The following LIMCH1 variants were observed in gnomAD, a reference collection of about 807,000 sequenced individuals.
The protein encoded by LIMCH1 is LIM and calponin homology domains 1, also known as LIM and calponin homology domains-containing protein 1.
LIMCH1 carries 113 observed loss-of-function variants against 176.5 expected under a neutral mutation model. The ratio of observed to expected loss-of-function variants is 0.64; its 90% CI spans 0.55 to 0.75. LIMCH1 has a LOEUF of 0.75. Among genes scored for constraint, LIMCH1 ranks in the 30% least tolerant of loss-of-function variants. The pLI, the probability that LIMCH1 is intolerant of heterozygous loss-of-function variation, is 0.00. For synonymous variants in LIMCH1, 619 were observed against 645.9 expected, an observed-to-expected ratio of 0.96 and a Z score of 0.63; for missense variants, 1,674 against 1,814.9, an observed-to-expected ratio of 0.92 and a Z score of 1.41.
chr4:41,577,935 T>A (rs1035432888), intron 1 of LIMCH1, among the ~76,000 whole-genome samples: 1 of 152,210 alleles, frequency 6.6e-6, no homozygotes, highest in Non-Finnish European at 1.5e-5. Flanking sequence ...GTTTTTCATT[T>A]TAAACAATGT....
chr4:41,586,005 T>TTTCTCTTCTC (rs71198670), intron 1 of LIMCH1, among the ~76,000 whole-genome samples: 62 of 148,226 alleles, frequency 4.2e-4, no homozygotes, highest in Admixed American at 1.7e-3. Flanking sequence ...TCTGTCTTCT[T>TTTCTCTTCTC]TTCTCTTCTC....
At chr4:41,685,910 T>C in intron 28 of LIMCH1, 80 bp downstream of exon 28, 2 of 1,468,190 alleles carry the variant, frequency 1.4e-6, no homozygotes, top group Non-Finnish European at 1.9e-6. Flanking sequence ...ATGAAAAATG[T>C]GAGATGGCAA....
intron 1 of LIMCH1, among the ~76,000 whole-genome samples, chr4:41,409,750 A>G (rs754428388): frequency 2.6e-5 from 4 of 152,154 alleles, no homozygotes; most frequent in Middle Eastern, 3.2e-3. Flanking sequence ...GTTTAATAAT[A>G]TTGCCAGACT....
At chr4:41,539,858 A>G (rs1028535781) in intron 1 of LIMCH1, among the ~76,000 whole-genome samples, 1 of 152,240 alleles carries the variant, frequency 6.6e-6, no homozygotes, top group Non-Finnish European at 1.5e-5. Context: ...TAGGAAAGCA[A>G]CAGGAATGTT....
intron 1 of LIMCH1, among the ~76,000 whole-genome samples, chr4:41,589,533 G>T (rs2087108119): frequency 6.6e-6 from 1 of 152,200 alleles, no homozygotes. Flanking sequence ...GATCCTCAGT[G>T]TGGTGGTGTG....
At chr4:41,537,756 T>G (rs913275375), upstream of LIMCH1, among the ~76,000 whole-genome samples, 10 of 152,186 alleles carry the variant, frequency 6.6e-5, no homozygotes, top group Middle Eastern at 3.2e-3. Context: ...AGTTTACTTT[T>G]TATTATGCTC....
intron 1 of LIMCH1, among the ~76,000 whole-genome samples, chr4:41,452,073 A>T (rs2063954670): frequency 6.6e-6 from 1 of 152,184 alleles, no homozygotes. Context: ...CCTAGGCTCC[A>T]GCTCTAGTCT....
chr4:41,657,092 G>A (rs951961112), intron 18 of LIMCH1, among the ~76,000 whole-genome samples: 7 of 152,186 alleles, frequency 4.6e-5, no homozygotes, highest in African/African-American at 1.4e-4. Flanking sequence ...TCTGGCACCC[G>A]GGCAGTTTGG....
chr4:41,460,311 C>T (rs566389716), intron 1 of LIMCH1, among the ~76,000 whole-genome samples: 7 of 151,700 alleles, frequency 4.6e-5, no homozygotes, highest in East Asian at 3.9e-4. Flanking sequence ...TATTGCATAG[C>T]GCAGATGTAG....
chr4:41,652,718 T>C (rs2094344363), intron 18 of LIMCH1, among the ~76,000 whole-genome samples: 1 of 152,200 alleles, frequency 6.6e-6, no homozygotes, highest in South Asian at 2.1e-4. Context: ...AGATTTCACA[T>C]TGATTACATA....
At chr4:41,483,705 C>T (rs776145492) in intron 1 of LIMCH1, among the ~76,000 whole-genome samples, 4 of 152,292 alleles carry the variant, frequency 2.6e-5, no homozygotes, top group Middle Eastern at 3.4e-3. Flanking sequence ...TCAAATAAAC[C>T]TTTGTACAGG....
intron 4 of LIMCH1, chr4:41,612,496 T>C: frequency 1.4e-6 from 1 of 701,674 alleles, no homozygotes; most frequent in South Asian, 1.5e-5. Flanking sequence ...GATATTAAAT[T>C]GAGGTTTATC....
chr4:41,361,457 C>T (rs1285148772), intron 1 of LIMCH1, among the ~76,000 whole-genome samples: 2 of 152,230 alleles, frequency 1.3e-5, no homozygotes, highest in Admixed American at 6.5e-5. Flanking sequence ...TTGCTGTATT[C>T]CTGGCACCGG....
chr4:41,360,376 T>C (rs1350032215), upstream of LIMCH1, among the ~76,000 whole-genome samples: 1 of 151,660 alleles, frequency 6.6e-6, no homozygotes, highest in Non-Finnish European at 1.5e-5. This position sits in a 1 kb window ranked among gnomAD's most constrained non-coding sequence, Gnocchi z 4.5. Flanking sequence ...TGCGCCCCAC[T>C]GGGCGCGCGT....
At chr4:41,492,848 TTTATCA>T (rs1470233360) in intron 1 of LIMCH1, among the ~76,000 whole-genome samples, 1 of 152,320 alleles carries the variant, frequency 6.6e-6, no homozygotes, top group East Asian at 1.9e-4. Flanking sequence ...AGTGAACCTC[TTTATCA>T]TTATCAAATG....
intron 1 of LIMCH1, among the ~76,000 whole-genome samples, chr4:41,412,721 G>A (rs116432225): frequency 0.02 from 3,071 of 152,246 alleles, 52 homozygotes; most frequent in Middle Eastern, 0.034. Flanking sequence ...AGACTCTGGG[G>A]AAGTGAGGAC....
intron 1 of LIMCH1, among the ~76,000 whole-genome samples, chr4:41,459,042 G>A (rs1202680534): frequency 6.6e-6 from 1 of 152,066 alleles, no homozygotes; most frequent in Non-Finnish European, 1.5e-5. Flanking sequence ...GTTCTTATAA[G>A]GAACTAGGAT....
intron 1 of LIMCH1, among the ~76,000 whole-genome samples, chr4:41,478,298 C>G (rs1351055134): frequency 8.2e-6 from 1 of 121,918 alleles, no homozygotes; most frequent in Non-Finnish European, 1.6e-5. Context: ...ATGATCACTC[C>G]TTCCCTCCTT....
intron 1 of LIMCH1, among the ~76,000 whole-genome samples, chr4:41,446,385 C>G (rs555289029): frequency 6.6e-6 from 1 of 152,302 alleles, no homozygotes; most frequent in East Asian, 1.9e-4. Flanking sequence ...GACTAGATTT[C>G]TAACCATTAG....
Sources: allele counts gnomAD v4.1 joint callset (sites outside exome capture counted in the v4.1 genomes callset), GRCh38; gene constraint gnomAD v4.1.1; non-coding constraint Gnocchi (gnomAD v3.1); transcripts MANE v1.5; gene names NCBI Gene and HGNC (gene_info 2026-07-23, HGNC 2026-07-21).